TMEM272: variants seen among roughly 807,000 people sequenced by gnomAD.
TMEM272 encodes the protein long intergenic non-protein coding RNA 282.
In TMEM272, 8 loss-of-function variants were observed where a neutral mutation model predicts 3.7. That is an observed-to-expected ratio of 2.17 (90% CI 1.27 to 3.91). The LOEUF (loss-of-function observed/expected upper bound fraction) is 3.91, where lower values mean the gene tolerates loss of function less well. TMEM272 is among the 30% of genes most tolerant of loss of function. TMEM272 has a pLI of 0.00. For synonymous variants in TMEM272, 63 were observed against 39.8 expected (o/e 1.58, Z -2.20); for missense variants, 166 against 91.5 (o/e 1.81, Z -3.32).
the TMEM272 span, among the ~76,000 whole-genome samples, chr13:51,850,845 T>C: frequency 1.4e-4 from 22 of 152,330 alleles, no homozygotes; most frequent in African/African-American, 5.3e-4. Context: ...AAAGAAATGT[T>C]TCAAAGTAAC....
chr13:51,813,949 A>T lies in TMEM272; in HGVS notation c.*2802T>A, dbSNP rs1392479739. 1 of 152,182 alleles carries T rather than the reference A, an allele frequency of 6.6e-6. No individual in the cohort carries two copies. Among genetic ancestry groups the T allele is most frequent in the Non-Finnish European group, 1.5e-5 (1 of 68,052 alleles). 9.4% of individuals were successfully genotyped at this position (152,182 alleles called of 1,614,324 possible). On this transcript the variant is annotated 3_prime_UTR_variant, in exon 5 of 5. Transcript: ENST00000629372. Reference sequence around the variant, plus strand: ...AGAAAGTTCAGGTGTTCCCATGTCCACTTCCCATTGCCTTGCCAGGTTCCC... The same window carrying T: ...AGAAAGTTCAGGTGTTCCCATGTCCTCTTCCCATTGCCTTGCCAGGTTCCC...
At chr13:51,833,988 T>G (rs1411339405) in intron 2 of TMEM272, among the ~76,000 whole-genome samples, 2 of 152,118 alleles carry the variant, frequency 1.3e-5, no homozygotes, top group East Asian at 3.9e-4. Context: ...GCCCCTTCCC[T>G]GCAGTGTCCA....
chr13:51,900,306 C>A, the TMEM272 span, among the ~76,000 whole-genome samples: 1 of 152,044 alleles, frequency 6.6e-6, no homozygotes, highest in Non-Finnish European at 1.5e-5. Flanking sequence ...AAAGGACAAC[C>A]CAATTTAAAA....
chr13:51,817,451 G>A (rs1190971176), intron 4 of TMEM272, among the ~76,000 whole-genome samples: 1 of 152,182 alleles, frequency 6.6e-6, no homozygotes, highest in Non-Finnish European at 1.5e-5. Flanking sequence ...ACTCTCTCCT[G>A]TATTGTGCTA....
chr13:51,852,248 G>T, the TMEM272 span, among the ~76,000 whole-genome samples: 1 of 152,174 alleles, frequency 6.6e-6, no homozygotes, highest in Non-Finnish European at 1.5e-5. Context: ...TATAAGTATG[G>T]TTGAAAATTT....
intron 1 of TMEM272, 94 bp downstream of exon 1, chr13:51,844,922 A>G (rs1280809240): frequency 2.0e-5 from 3 of 152,268 alleles, no homozygotes; most frequent in Non-Finnish European, 2.9e-5. Flanking sequence ...AAGCATAATC[A>G]GCACATTGGC....
At position 51,814,254 on chromosome 13, in the gene TMEM272, T is replaced by C. The variant is rs562718792; in HGVS notation, c.*2497A>G. Reference sequence around the variant, plus strand: ...TTCAAAGAACCACAGTTATAGACCATTTGCCTTACTTAGCCCCAGAGCCTC... The same window carrying C: ...TTCAAAGAACCACAGTTATAGACCACTTGCCTTACTTAGCCCCAGAGCCTC... On this transcript the variant is annotated 3_prime_UTR_variant, in exon 5 of 5. Coordinates refer to ENST00000629372, the MANE Select transcript of TMEM272 (RefSeq NM_001351003.2). 2 of 152,378 alleles carry C rather than the reference T, an allele frequency of 1.3e-5. No individual in the cohort carries two copies. Among genetic ancestry groups the C allele is most frequent in the Non-Finnish European group, 2.9e-5 (2 of 68,058 alleles). The allele number at this position is 152,378 out of a possible 1,614,324, so 9.4% of individuals were successfully genotyped here.
At chr13:51,860,770 G>A in the TMEM272 span, among the ~76,000 whole-genome samples, 594 of 145,218 alleles carry the variant, frequency 4.1e-3, 3 homozygotes, top group African/African-American at 0.014. Flanking sequence ...CACACACTTT[G>A]TATACATATA....
intron 2 of TMEM272, among the ~76,000 whole-genome samples, chr13:51,827,027 C>T (rs1258393232): frequency 6.6e-6 from 1 of 152,204 alleles, no homozygotes; most frequent in African/African-American, 2.4e-5. Flanking sequence ...GATGGTTCTT[C>T]TCTTCCCTGG....
At chr13:51,881,767 C>T in the TMEM272 span, among the ~76,000 whole-genome samples, 4 of 152,146 alleles carry the variant, frequency 2.6e-5, no homozygotes, top group Admixed American at 1.3e-4. Flanking sequence ...AGGAAATGAG[C>T]TCTCACCAGA....
chr13:51,907,666 C>T, the TMEM272 span, among the ~76,000 whole-genome samples: 2 of 152,230 alleles, frequency 1.3e-5, no homozygotes, highest in African/African-American at 2.4e-5. Flanking sequence ...CCTATCTTCT[C>T]GCTGACCATA....
the TMEM272 span, chr13:51,866,175 T>C: frequency 9.8e-7 from 1 of 1,017,058 alleles, no homozygotes; most frequent in Non-Finnish European, 1.4e-6. Context: ...TACACACTCA[T>C]TGGTCTCCTT....
At chr13:51,891,644 C>G in the TMEM272 span, among the ~76,000 whole-genome samples, 69 of 152,170 alleles carry the variant, frequency 4.5e-4, no homozygotes, top group Non-Finnish European at 8.1e-4. Context: ...GCATTATTTT[C>G]CTCAGTGACA....
the TMEM272 span, among the ~76,000 whole-genome samples, chr13:51,878,191 G>A: frequency 1.1e-4 from 17 of 152,140 alleles, no homozygotes; most frequent in African/African-American, 4.1e-4. Flanking sequence ...AGCACTTTGG[G>A]AGGCCGAGGC....
chr13:51,883,101 G>C, the TMEM272 span, among the ~76,000 whole-genome samples: 2 of 152,254 alleles, frequency 1.3e-5, no homozygotes, highest in African/African-American at 2.4e-5. Flanking sequence ...GGAGCCCCAA[G>C]GGGTGTTACA....
rs1176276511 is a variant in TMEM272 at position 51,826,629 on chromosome 13, C to A, written c.59-4G>T. 2 of 702,588 alleles carry A rather than the reference C, an allele frequency of 2.8e-6. No individual in the cohort carries two copies. Among genetic ancestry groups the A allele is most frequent in the South Asian group, 3.0e-5 (2 of 67,596 alleles). 43.5% of individuals were successfully genotyped at this position (702,588 alleles called of 1,614,324 possible). On this transcript the variant is annotated splice_polypyrimidine_tract_variant and splice_region_variant and intron_variant, in intron 2 of 4. Transcript: ENST00000629372. ...CAGAGCACAACAACGAAGCAGGCTGCAAGGAGAAGAAGGGGCAGGCACTGG... is the reference window on the plus strand; with the variant it reads ...CAGAGCACAACAACGAAGCAGGCTGAAAGGAGAAGAAGGGGCAGGCACTGG...
chr13:51,875,541 C>A, the TMEM272 span, among the ~76,000 whole-genome samples: 5 of 152,156 alleles, frequency 3.3e-5, no homozygotes, highest in Non-Finnish European at 1.5e-5. Context: ...GACACATGAC[C>A]AAGAAGATAT....
At chr13:51,830,936 G>A (rs1332492204) in intron 2 of TMEM272, among the ~76,000 whole-genome samples, 1 of 152,020 alleles carries the variant, frequency 6.6e-6, no homozygotes, top group Non-Finnish European at 1.5e-5. Context: ...GGTCTAATGA[G>A]GCTCACTCTT....
chr13:51,872,359 AGAT>A, the TMEM272 span, among the ~76,000 whole-genome samples: 1 of 151,856 alleles, frequency 6.6e-6, no homozygotes, highest in South Asian at 2.1e-4. Flanking sequence ...CTCTCTAAGA[AGAT>A]GAGCAAAAAG....
Sources: allele counts gnomAD v4.1 joint callset (sites outside exome capture counted in the v4.1 genomes callset), GRCh38; gene constraint gnomAD v4.1.1; transcripts MANE v1.5; gene names NCBI Gene and HGNC (gene_info 2026-07-23, HGNC 2026-07-21).